Variants in RORB observed in about 807,000 individuals in gnomAD.
RORB encodes RAR related orphan receptor B, also known as nuclear receptor ROR-beta.
RORB carries 6 observed loss-of-function variants against 59.1 expected under a neutral mutation model. The ratio of observed to expected loss-of-function variants is 0.10; its 90% CI spans 0.06 to 0.20. RORB has a LOEUF of 0.20. Among genes scored for constraint, RORB ranks in the 10% least tolerant of loss-of-function variants. The pLI is 1.00. For synonymous variants in RORB, 215 were observed against 204.5 expected, an observed-to-expected ratio of 1.05 and a Z score of -0.44; for missense variants, 320 against 560.5, an observed-to-expected ratio of 0.57 and a Z score of 4.33.
chr9:74,632,965 CT>C (rs1305973520), intron 2 of RORB, among the ~76,000 whole-genome samples: 2 of 152,126 alleles, frequency 1.3e-5, no homozygotes, highest in Non-Finnish European at 2.9e-5. Flanking sequence ...AAGGAATGCA[CT>C]TGGATCTATA....
chr9:74,498,580 T>G (rs1825755446), intron 1 of RORB: 1 of 152,520 alleles, frequency 6.6e-6, no homozygotes, highest in Admixed American at 6.5e-5. Flanking sequence ...AGGAAACAGT[T>G]CTGCGGCGCG....
chr9:74,641,352 T>C (rs1365858828), intron 3 of RORB, among the ~76,000 whole-genome samples: 1 of 152,216 alleles, frequency 6.6e-6, no homozygotes, highest in Non-Finnish European at 1.5e-5. Context: ...CTTGCAGCAC[T>C]TCTTCCTTCT....
intron 9 of RORB, among the ~76,000 whole-genome samples, chr9:74,682,642 G>A (rs59160434): frequency 0.16 from 24,939 of 152,084 alleles, 3,586 homozygotes; most frequent in African/African-American, 0.38. Flanking sequence ...TAATAGCTCT[G>A]AGCACATGGA....
chr9:74,624,856 A>C (rs1381645218), intron 1 of RORB, among the ~76,000 whole-genome samples: 1 of 152,188 alleles, frequency 6.6e-6, no homozygotes, highest in Non-Finnish European at 1.5e-5. Flanking sequence ...ACATGTGTAA[A>C]TTGTGCTTTA....
chr9:74,498,154 C>A lies in RORB; in HGVS notation c.7+171C>A, dbSNP rs1324099601. 5 of 753,928 alleles carry A rather than the reference C, an allele frequency of 6.6e-6. No homozygotes were observed. In the Admixed American group the frequency reaches 7.0e-5, roughly 11 times the overall value. The allele number at this position is 753,928 out of a possible 1,614,324, so 46.7% of individuals were successfully genotyped here. ...CAAATGGCCTGGGCGTAGAAAGTTG[C>A]GGGAAGGTGTTGATGTCTTTCGGGA... is the stretch of plus-strand genomic sequence containing the variant. On this transcript the variant is annotated intron_variant, in intron 1 of 9. Coordinates refer to ENST00000376896, the MANE Select transcript of RORB (RefSeq NM_006914.4).
intron 1 of RORB, among the ~76,000 whole-genome samples, chr9:74,554,263 C>T (rs1332005083): frequency 6.6e-6 from 1 of 152,170 alleles, no homozygotes; most frequent in Non-Finnish European, 1.5e-5. Flanking sequence ...CCTCCTGACT[C>T]CTAGTGCCAT....
intron 1 of RORB, among the ~76,000 whole-genome samples, chr9:74,557,320 G>A (rs1265556242): frequency 6.6e-6 from 1 of 152,098 alleles, no homozygotes; most frequent in Non-Finnish European, 1.5e-5. Context: ...CCACAGACAC[G>A]AATGAGGAGG....
chr9:74,560,224 C>T (rs1017489414), intron 1 of RORB, among the ~76,000 whole-genome samples: 1 of 152,124 alleles, frequency 6.6e-6, no homozygotes, highest in Non-Finnish European at 1.5e-5. Context: ...TACCATACAG[C>T]TTAGTCTACA....
chr9:74,669,753 T>C (rs1824320197), intron 8 of RORB, among the ~76,000 whole-genome samples: 1 of 152,116 alleles, frequency 6.6e-6, no homozygotes. Flanking sequence ...AGAGACCAGA[T>C]GTCTTTTCTT....
intron 1 of RORB, among the ~76,000 whole-genome samples, chr9:74,532,492 A>G (rs1259934370): frequency 3.3e-5 from 5 of 151,898 alleles, no homozygotes; most frequent in Non-Finnish European, 7.4e-5. Context: ...GCTATACATC[A>G]TACTCTTTAG....
intron 1 of RORB, among the ~76,000 whole-genome samples, chr9:74,536,241 C>T (rs1000034451): frequency 4.6e-5 from 7 of 151,004 alleles, no homozygotes; most frequent in South Asian, 2.1e-4. Flanking sequence ...TAAAAAAGGG[C>T]GGGGGCTAAA....
Position 74,497,892 on chromosome 9 carries a change from T to C in RORB, c.-85T>C, listed in dbSNP as rs1170271110. 3 of 1,538,172 alleles carry C rather than the reference T, an allele frequency of 2.0e-6. No homozygotes were observed. The Admixed American group carries it at 5.5e-5, about 28-fold the overall frequency. On this transcript the variant is annotated 5_prime_UTR_variant, in exon 1 of 10. Transcript: ENST00000376896. ...GCTCTTCGCCGACCACCTTCTTCAC[T>C]CGTGCTGAGCGGGATTTTTGGGCTC...
At chr9:74,512,351 A>T (rs919928751) in intron 1 of RORB, among the ~76,000 whole-genome samples, 10 of 152,212 alleles carry the variant, frequency 6.6e-5, no homozygotes, top group Non-Finnish European at 1.2e-4. Flanking sequence ...TGCTTTAAAT[A>T]TTCCTACACT....
chr9:74,498,458 A>T (rs560653966), intron 1 of RORB: 1 of 159,968 alleles, frequency 6.3e-6, no homozygotes, highest in African/African-American at 2.4e-5. Flanking sequence ...TACGAGGCCC[A>T]CTAAGCGTCC....
intron 1 of RORB, among the ~76,000 whole-genome samples, chr9:74,527,871 T>C (rs1022634319): frequency 3.3e-5 from 5 of 151,994 alleles, no homozygotes; most frequent in African/African-American, 1.2e-4. Context: ...AGCGTGTTTA[T>C]AGGGTAGCAG....
rs1452011009 is a variant in RORB, at chr9:74,671,774, T to A, written c.1112-15T>A. On this transcript the variant is annotated splice_polypyrimidine_tract_variant and intron_variant, in intron 8 of 9. Coordinates refer to ENST00000376896, the MANE Select transcript of RORB (RefSeq NM_006914.4). ...GTTGATGTTCCCTCCACTTACCCACTCTTTCTTTCATCAGACCGAGCCTGG... is the reference window on the plus strand; with the variant it reads ...GTTGATGTTCCCTCCACTTACCCACACTTTCTTTCATCAGACCGAGCCTGG... 6.4e-7 allele frequency: 1 copy of A among 1,564,822 alleles called. No homozygotes were observed. Among genetic ancestry groups the A allele is most frequent in the African/African-American group, 1.4e-5 (1 of 73,514 alleles).
Position 74,688,414 on chromosome 9 carries a change from C to T in RORB, c.*2796C>T, listed in dbSNP as rs1824683516. ...TGTCAAGGTATTTTGTACCTACAAT[C>T]CCAGAACTTGGTTCCTTCCCCATGA... On this transcript the variant is annotated 3_prime_UTR_variant, in exon 10 of 10. Transcript: ENST00000376896. 1 of 152,134 alleles carries T rather than the reference C, an allele frequency of 6.6e-6. No homozygotes were observed. The highest frequency in any genetic ancestry group is 2.4e-5 in the African/African-American group (1 of 41,422). 9.4% of individuals were successfully genotyped at this position (152,134 alleles called of 1,614,324 possible).
In RORB at chr9:74,552,573, A is replaced by G. The variant is rs999785189; in HGVS notation, c.7+54590A>G. 3.3e-5 allele frequency among the ~76,000 whole-genome samples: 5 copies of G among 152,154 alleles called. 1 individual carries two copies. The highest frequency in any genetic ancestry group is 5.9e-5 in the Non-Finnish European group (4 of 68,020). On this transcript the variant is annotated intron_variant, in intron 1 of 9. Coordinates refer to ENST00000376896, the MANE Select transcript of RORB (RefSeq NM_006914.4). ...ATATGCACAACATAAGTGTTTAGCT[A>G]TCAATAGTTCAACGTAGGGTCATGT...
At chr9:74,500,488 G>C (rs529917662) in intron 1 of RORB, among the ~76,000 whole-genome samples, 128 of 152,246 alleles carry the variant, frequency 8.4e-4, no homozygotes, top group Non-Finnish European at 1.6e-3. Flanking sequence ...CCTATGTTGG[G>C]AGAGGGGCCA....
Sources: gnomAD v4.1 joint callset for allele counts (sites outside exome capture counted in the v4.1 genomes callset) on GRCh38, gnomAD v4.1.1 for gene constraint, MANE v1.5 for transcripts, NCBI Gene and HGNC (gene_info 2026-07-23, HGNC 2026-07-21) for gene names.